CDC73: variants seen among roughly 807,000 people sequenced by gnomAD.
The protein encoded by CDC73 is parafibromin.
A neutral mutation model predicts 83.7 loss-of-function variants in CDC73; 21 were observed. That is an observed-to-expected ratio of 0.25 (90% CI 0.18 to 0.36). CDC73 has a LOEUF of 0.36. Among genes scored for constraint, CDC73 ranks in the 10% least tolerant of loss-of-function variants. The pLI, the probability that CDC73 is intolerant of heterozygous loss-of-function variation, is 1.00. For synonymous variants in CDC73, 224 were observed against 212.9 expected (o/e 1.05, Z -0.45); for missense variants, 342 against 653.3 (o/e 0.52, Z 5.19).
chr1:193,235,946 CTAAT>C (rs1321042758), intron 14 of CDC73, among the ~76,000 whole-genome samples: 1 of 152,110 alleles, frequency 6.6e-6, no homozygotes, highest in African/African-American at 2.4e-5. Flanking sequence ...GGCCACTACT[CTAAT>C]TAACAGAAGG....
chr1:193,150,231 A>G (rs924413582), intron 8 of CDC73, 73 bp from the exon 9 acceptor site: 9 of 1,057,954 alleles, frequency 8.5e-6, no homozygotes, highest in African/African-American at 6.3e-5. Context: ...TGGTCATGCT[A>G]CTGCACTCCA....
chr1:193,159,369 G>GT (rs1288117989), intron 10 of CDC73, among the ~76,000 whole-genome samples: 1 of 151,846 alleles, frequency 6.6e-6, no homozygotes, highest in Non-Finnish European at 1.5e-5. Context: ...AGTTTATTTT[G>GT]TTTTTTTATT....
intron 11 of CDC73, among the ~76,000 whole-genome samples, chr1:193,209,706 T>A (rs1040060226): frequency 3.3e-5 from 5 of 152,184 alleles, no homozygotes; most frequent in Non-Finnish European, 5.9e-5. Flanking sequence ...TTTTTAACAT[T>A]TGTGAGTTTT....
At chr1:193,219,409 A>C (rs1323237181) in intron 13 of CDC73, among the ~76,000 whole-genome samples, 2 of 152,244 alleles carry the variant, frequency 1.3e-5, no homozygotes, top group South Asian at 4.1e-4. Flanking sequence ...CTAGAGGAAT[A>C]TAAATCTTTC....
chr1:193,207,572 G>T (rs1677209969), intron 11 of CDC73, among the ~76,000 whole-genome samples: 1 of 152,098 alleles, frequency 6.6e-6, no homozygotes, highest in Admixed American at 6.5e-5. Context: ...GCTGGGAAAA[G>T]AATTCAGCGA....
intron 3 of CDC73, 55 bp from the exon 4 acceptor site, chr1:193,135,336 A>C: frequency 7.5e-7 from 1 of 1,337,602 alleles, no homozygotes; most frequent in Non-Finnish European, 1.1e-6. Context: ...TTGTAATAAT[A>C]TCCAATATAT....
At chr1:193,177,479 G>A (rs1438982542) in intron 10 of CDC73, among the ~76,000 whole-genome samples, 2 of 148,632 alleles carry the variant, frequency 1.3e-5, no homozygotes, top group South Asian at 2.1e-4. Flanking sequence ...GCAGTGAGCC[G>A]AGATCGGGCC....
intron 10 of CDC73, among the ~76,000 whole-genome samples, chr1:193,184,141 G>C (rs1676766427): frequency 6.6e-6 from 1 of 151,644 alleles, no homozygotes; most frequent in South Asian, 2.1e-4. Context: ...TAGACTTCAT[G>C]GTATTTGTAT....
intron 13 of CDC73, among the ~76,000 whole-genome samples, chr1:193,223,665 T>A (rs1677511013): frequency 6.6e-6 from 1 of 152,108 alleles, no homozygotes; most frequent in Non-Finnish European, 1.5e-5. Flanking sequence ...AATTTGGACT[T>A]ATTTTCTATT....
At chr1:193,233,893 T>C (rs979522212) in intron 14 of CDC73, among the ~76,000 whole-genome samples, 2 of 152,060 alleles carry the variant, frequency 1.3e-5, no homozygotes, top group Non-Finnish European at 2.9e-5. Flanking sequence ...CAAATTACCT[T>C]ATTTCTTTAA....
chr1:193,202,261 A>G (rs1338105279), intron 10 of CDC73, among the ~76,000 whole-genome samples: 4 of 152,064 alleles, frequency 2.6e-5, no homozygotes, highest in South Asian at 2.1e-4. Flanking sequence ...CCCAGAGCCT[A>G]TTATGCTCCA....
At chr1:193,124,897 T>G (rs953273463) in intron 1 of CDC73, among the ~76,000 whole-genome samples, 4 of 152,222 alleles carry the variant, frequency 2.6e-5, no homozygotes, top group Admixed American at 1.3e-4. Context: ...GAGTATGAAT[T>G]TTTTGTATTT....
intron 10 of CDC73, among the ~76,000 whole-genome samples, chr1:193,188,240 A>C (rs184379990): frequency 1.7e-3 from 253 of 152,322 alleles, no homozygotes; most frequent in African/African-American, 5.8e-3. Flanking sequence ...CACTTAAAAG[A>C]TGCAGAACCA....
At chr1:193,156,106 TA>T (rs1474295837) in intron 10 of CDC73, among the ~76,000 whole-genome samples, 1 of 152,212 alleles carries the variant, frequency 6.6e-6, no homozygotes, top group Non-Finnish European at 1.5e-5. Flanking sequence ...TATTGTATAG[TA>T]AATAAGAGGA....
At chr1:193,126,818 C>A (rs1181735772) in intron 2 of CDC73, among the ~76,000 whole-genome samples, 1 of 152,130 alleles carries the variant, frequency 6.6e-6, no homozygotes, top group African/African-American at 2.4e-5. Flanking sequence ...CTGTGTCTGT[C>A]ATCACTGGAG....
chr1:193,138,463 A>T (rs1289563701), intron 6 of CDC73, among the ~76,000 whole-genome samples: 2 of 152,236 alleles, frequency 1.3e-5, no homozygotes, highest in Non-Finnish European at 2.9e-5. Flanking sequence ...TTACACCAGA[A>T]GTCAGCAAGC....
chr1:193,197,939 A>T (rs1410130988), intron 10 of CDC73, among the ~76,000 whole-genome samples: 1 of 151,898 alleles, frequency 6.6e-6, no homozygotes, highest in Non-Finnish European at 1.5e-5. Flanking sequence ...AAAAAAAAAA[A>T]AAAAAAAAGT....
At chr1:193,126,999 C>T (rs1675587437) in intron 2 of CDC73, among the ~76,000 whole-genome samples, 1 of 152,058 alleles carries the variant, frequency 6.6e-6, no homozygotes, top group African/African-American at 2.4e-5. Flanking sequence ...TGTGGTGGTG[C>T]ATGCCTGTAG....
intron 13 of CDC73, among the ~76,000 whole-genome samples, chr1:193,225,681 A>G (rs2102051523): frequency 6.6e-6 from 1 of 151,070 alleles, no homozygotes; most frequent in South Asian, 2.1e-4. Flanking sequence ...TTTTTTTCAT[A>G]TTTCTTGGCC....
Sources: gnomAD v4.1 joint callset for allele counts (sites outside exome capture counted in the v4.1 genomes callset) on GRCh38, gnomAD v4.1.1 for gene constraint, MANE v1.5 for transcripts, NCBI Gene and HGNC (gene_info 2026-07-23, HGNC 2026-07-21) for gene names.